The following ANK3 variants were observed in gnomAD, a reference collection of about 807,000 sequenced individuals.
ANK3 encodes ankyrin 3.
In ANK3, 57 loss-of-function variants were observed where a neutral mutation model predicts 370.9. That is an observed-to-expected ratio of 0.15 (90% CI 0.12 to 0.19). The LOEUF (loss-of-function observed/expected upper bound fraction) is 0.19, where lower values mean the gene tolerates loss of function less well. ANK3 is among the 10% of genes least tolerant of loss of function. ANK3 has a pLI of 1.00. For synonymous variants in ANK3, 1,929 were observed against 1,946.3 expected (o/e 0.99, Z 0.23); for missense variants, 4,439 against 5,302.1 (o/e 0.84, Z 5.06).
At chr10:60,422,845 G>T (rs1297946009) in intron 2 of ANK3, among the ~76,000 whole-genome samples, 1 of 152,078 alleles carries the variant, frequency 6.6e-6, no homozygotes, top group East Asian at 1.9e-4. Flanking sequence ...GTGATTTTCA[G>T]TAGTTTTAAA....
At chr10:60,164,623 AC>A (rs2095577455) in intron 23 of ANK3, among the ~76,000 whole-genome samples, 1 of 152,222 alleles carries the variant, frequency 6.6e-6, no homozygotes, top group Non-Finnish European at 1.5e-5. Flanking sequence ...GGTCAAATAC[AC>A]CAAAGCTTGA....
At chr10:60,231,354 T>C (rs1565857019) in intron 8 of ANK3, among the ~76,000 whole-genome samples, 1 of 152,160 alleles carries the variant, frequency 6.6e-6, no homozygotes, top group Non-Finnish European at 1.5e-5. Flanking sequence ...AGGAACAAGG[T>C]CCCTTACAGT....
At chr10:60,536,377 G>A (rs2076724688) in intron 2 of ANK3, among the ~76,000 whole-genome samples, 1 of 152,022 alleles carries the variant, frequency 6.6e-6, no homozygotes, top group Non-Finnish European at 1.5e-5. Flanking sequence ...AACAAGCTGT[G>A]TAGTTACAAT....
At chr10:60,089,560 T>C (rs1328827401) in intron 28 of ANK3, among the ~76,000 whole-genome samples, 1 of 151,916 alleles carries the variant, frequency 6.6e-6, no homozygotes, top group Non-Finnish European at 1.5e-5. Flanking sequence ...GTGGGCTTCA[T>C]TGGAATAAAT....
At chr10:60,571,861 G>A (rs923431948) in intron 2 of ANK3, among the ~76,000 whole-genome samples, 5 of 152,068 alleles carry the variant, frequency 3.3e-5, no homozygotes, top group African/African-American at 1.2e-4. Context: ...ATATATTGAT[G>A]ATTCCTCAAT....
chr10:60,246,804 G>A (rs941945902), intron 7 of ANK3, among the ~76,000 whole-genome samples: 11 of 152,184 alleles, frequency 7.2e-5, no homozygotes, highest in Non-Finnish European at 1.6e-4. Flanking sequence ...CGGTTCTCAA[G>A]TGAGTTAGGG....
At chr10:60,129,070 G>A in intron 25 of ANK3, among the ~76,000 whole-genome samples, 1 of 152,204 alleles carries the variant, frequency 6.6e-6, no homozygotes, top group East Asian at 1.9e-4. Flanking sequence ...GGAGAGGAAT[G>A]GAATGTTTCC....
chr10:60,080,422 C>A, intron 36 of ANK3, 115 bp downstream of exon 36: 1 of 884,236 alleles, frequency 1.1e-6, no homozygotes. Flanking sequence ...GGTTTTCCTG[C>A]AGGCAATTTT....
At chr10:60,310,064 T>C (rs886745216) in intron 1 of ANK3, among the ~76,000 whole-genome samples, 3 of 151,668 alleles carry the variant, frequency 2.0e-5, no homozygotes, top group Admixed American at 2.0e-4. Flanking sequence ...TGGCTAGGAG[T>C]ACAGTTATGT....
chr10:60,044,230 T>C, intron 42 of ANK3: 2 of 984,864 alleles, frequency 2.0e-6, no homozygotes, highest in Non-Finnish European at 1.2e-6. Flanking sequence ...AAAATCTAAA[T>C]TCCAAGAGAA....
chr10:60,444,521 C>T (rs2064389951), intron 2 of ANK3, among the ~76,000 whole-genome samples: 1 of 150,526 alleles, frequency 6.6e-6, no homozygotes, highest in Non-Finnish European at 1.5e-5. Flanking sequence ...CACTTAAAAA[C>T]AAAAAGTAAA....
Position 60,075,441 on chromosome 10 carries a change from A to T in ANK3, c.5440T>A (p.Ser1814Thr). ...ACTGTTATAATTGATGAAGTTACAG[A>T]TGAGGTAGTTGCAGATATTGACGAC... ...LGSSISATTS[S>T]VTSSIITVPV... The change falls in exon 37 of 44, where the codon TCT (serine) becomes ACT (threonine). Residue 1814 changes from serine to threonine, a missense_variant. Physicochemically the swap from Ser to Thr is moderately conservative, Grantham distance 58. Coordinates refer to ENST00000280772, the MANE Select transcript of ANK3 (RefSeq NM_020987.5). 6.2e-7 allele frequency: 1 copy of T among 1,612,952 alleles called. No homozygotes were observed. The highest frequency in any genetic ancestry group is 8.5e-7 in the Non-Finnish European group (1 of 1,179,996).
At chr10:60,546,210 A>AT (rs965927338) in intron 2 of ANK3, among the ~76,000 whole-genome samples, 174 of 151,914 alleles carry the variant, frequency 1.1e-3, no homozygotes, top group African/African-American at 4.1e-3. Flanking sequence ...TAATTTTTTC[A>AT]TTTTTTGTAG....
At chr10:60,146,845 T>A (rs139524227) in intron 23 of ANK3, among the ~76,000 whole-genome samples, 1 of 152,186 alleles carries the variant, frequency 6.6e-6, no homozygotes, top group African/African-American at 2.4e-5. Flanking sequence ...AATGACATAT[T>A]TGCTCACATT....
At chr10:60,329,582 T>C (rs2050714330) in intron 1 of ANK3, among the ~76,000 whole-genome samples, 1 of 152,138 alleles carries the variant, frequency 6.6e-6, no homozygotes, top group Non-Finnish European at 1.5e-5. Context: ...ACAAGGGATA[T>C]GAAGGACCTC....
chr10:60,373,902 A>G (rs1169290894), intron 1 of ANK3, among the ~76,000 whole-genome samples: 1 of 152,156 alleles, frequency 6.6e-6, no homozygotes, highest in Non-Finnish European at 1.5e-5. Flanking sequence ...CTCTTCTCTC[A>G]TCAGTTGAGA....
intron 8 of ANK3, among the ~76,000 whole-genome samples, chr10:60,224,152 G>A (rs1460345986): frequency 1.3e-5 from 2 of 152,112 alleles, no homozygotes; most frequent in African/African-American, 4.8e-5. Flanking sequence ...GGCAACATAT[G>A]CAGTTGGACA....
intron 15 of ANK3, 84 bp downstream of exon 15, chr10:60,196,443 T>A: frequency 2.0e-6 from 2 of 1,018,114 alleles, no homozygotes; most frequent in East Asian, 4.8e-5. Flanking sequence ...AGTTATAATT[T>A]GAGTGGCTAT....
At chr10:60,431,477 G>A (rs769729235) in intron 2 of ANK3, among the ~76,000 whole-genome samples, 1 of 152,074 alleles carries the variant, frequency 6.6e-6, no homozygotes, top group African/African-American at 2.4e-5. Context: ...TGTGCAGCCC[G>A]GTTCCTAACA....
Sources: gnomAD v4.1 joint callset for allele counts (sites outside exome capture counted in the v4.1 genomes callset) on GRCh38, gnomAD v4.1.1 for gene constraint, MANE v1.5 for transcripts, NCBI Gene and HGNC (gene_info 2026-07-23, HGNC 2026-07-21) for gene names.